The following BRD2 variants were observed in gnomAD, a reference collection of about 807,000 sequenced individuals.
BRD2 encodes bromodomain containing 2, also known as bromodomain-containing protein 2.
In BRD2, 15 loss-of-function variants were observed where a neutral mutation model predicts 79.1. That is an observed-to-expected ratio of 0.19 (90% CI 0.13 to 0.29). The LOEUF is 0.29. BRD2 is among the 10% of genes least tolerant of loss of function. The pLI, the probability that BRD2 is intolerant of heterozygous loss-of-function variation, is 1.00. For missense variants in BRD2, 1,053 were observed against 991.3 expected (o/e 1.06, Z -0.84); for synonymous variants, 488 against 358.6 (o/e 1.36, Z -4.08).
Position 32,981,039 on chromosome 6 carries a change from T to A in BRD2, c.*321T>A. 1 of 325,506 alleles carries A rather than the reference T, an allele frequency of 3.1e-6. No individual in the cohort carries two copies. Among genetic ancestry groups the A allele is most frequent in the African/African-American group, 2.1e-5 (1 of 48,546 alleles). The allele number at this position is 325,506 out of a possible 1,614,324, so 20.2% of individuals were successfully genotyped here. A position where few individuals can be genotyped will look rare whatever the true frequency, so the allele number is the denominator to read the frequency against. On this transcript the variant is annotated 3_prime_UTR_variant, in exon 13 of 13. Transcript: ENST00000374825. ...TTACCTGAGGCCACAGCTGCCCTAT[T>A]CACTTCTAAGGGCCCTGTTTTGAGA... is the stretch of plus-strand genomic sequence containing the variant.
intron 10 of BRD2, chr6:32,978,601 C>T: frequency 1.4e-6 from 1 of 725,970 alleles, no homozygotes; most frequent in South Asian, 1.9e-5. Context: ...TGGGATGAAA[C>T]TGTTCCACCT....
Position 32,972,798 on chromosome 6 carries a change from T to G in BRD2, c.-101T>G. ...GCCTGGAGGCCCAAGAGGAACGGCCTCCCCCCAACTTAGCGGGTTATGCTG... is the reference window on the plus strand; with the variant it reads ...GCCTGGAGGCCCAAGAGGAACGGCCGCCCCCCAACTTAGCGGGTTATGCTG... On this transcript the variant is annotated 5_prime_UTR_variant, in exon 2 of 13. Transcript: ENST00000374825. 1 of 1,573,284 alleles carries G rather than the reference T, an allele frequency of 6.4e-7. No homozygotes were observed. Among genetic ancestry groups the G allele is most frequent in the Non-Finnish European group, 8.7e-7 (1 of 1,149,754 alleles).
chr6:32,977,177 C>T (rs1035036514), intron 7 of BRD2: 1 of 1,383,894 alleles, frequency 7.2e-7, no homozygotes, highest in African/African-American at 1.4e-5. Context: ...ACTAATGTGG[C>T]AGTGTTGGGT....
chr6:32,976,112 C>A lies in BRD2; in HGVS notation c.553C>A (p.Gln185Lys), dbSNP rs1420233511. ...QKVASMPQEE[Q>K]ELVVTIPKNS... Reference sequence around the variant, plus strand: ...GGTTGCATCAATGCCACAAGAAGAACAAGAGCTGGTAGTGACCATCCCTAA... The same window carrying A: ...GGTTGCATCAATGCCACAAGAAGAAAAAGAGCTGGTAGTGACCATCCCTAA... The change falls in exon 5 of 13, where the codon CAA becomes AAA. Residue 185 changes from glutamine (Q) to lysine (K), a missense_variant. Transcript: ENST00000374825. The A allele has an allele frequency of 6.2e-7, 1 of 1,612,878 alleles. No individual in the cohort carries two copies. The highest frequency in any genetic ancestry group is 8.5e-7 in the Non-Finnish European group (1 of 1,180,016).
At chr6:32,977,053 A>T in intron 7 of BRD2, 117 bp downstream of exon 7, 1 of 1,359,942 alleles carries the variant, frequency 7.4e-7, no homozygotes, top group Non-Finnish European at 9.8e-7. Context: ...TTTTACTTTT[A>T]TAAAATAATA....
At chr6:32,974,205 AT>A (rs1778410914) in intron 2 of BRD2, among the ~76,000 whole-genome samples, 1 of 152,172 alleles carries the variant, frequency 6.6e-6, no homozygotes, top group African/African-American at 2.4e-5. Flanking sequence ...TTTTTAAAAT[AT>A]GAAAAAGAAC....
At chr6:32,969,493 C>T (rs1777757250) in intron 1 of BRD2, 1 of 598,300 alleles carries the variant, frequency 1.7e-6, no homozygotes. Flanking sequence ...TCCCAGGCGC[C>T]AACTTCCTTT....
In BRD2 at chr6:32,973,047, C is replaced by T. The variant is rs768013841; in HGVS notation, c.29+120C>T. 11 of 1,606,372 alleles carry T rather than the reference C, an allele frequency of 6.8e-6. No homozygotes were observed. The East Asian group carries it at 2.0e-4, about 30-fold the overall frequency. The stretch of plus-strand genomic sequence containing the variant: ...CGCGCTGCTGTTGCGGCGCAGCTGT[C>T]GACTCGGTCGCGCGGAGGGAATTGA... On this transcript the variant is annotated intron_variant, in intron 2 of 12. Transcript: ENST00000374825.
chr6:32,977,672 T>C, intron 8 of BRD2, 85 bp from the exon 9 acceptor site: 2 of 1,603,004 alleles, frequency 1.2e-6, no homozygotes, highest in Non-Finnish European at 1.7e-6. Context: ...TTCTGTACAG[T>C]TGTAAATTGG....
At chr6:32,975,276 C>T in intron 3 of BRD2, 108 bp from the exon 4 acceptor site, 1 of 1,059,728 alleles carries the variant, frequency 9.4e-7, no homozygotes, top group Non-Finnish European at 1.3e-6. Context: ...TCCTTTGATG[C>T]ATAGGGGGGG....
At chr6:32,974,965 C>T (rs976285671) in intron 3 of BRD2, 200 bp downstream of exon 3, 17 of 1,457,626 alleles carry the variant, frequency 1.2e-5, no homozygotes, top group East Asian at 4.9e-5. Context: ...TGGCATCTTT[C>T]CTTGTGCCCT....
rs1778809997 is a variant in BRD2 at position 32,976,682 on chromosome 6, A to G, written c.946A>G (p.Met316Val). The part of the protein sequence containing the change: ...LEPKAARLPP[M>V]RRESGRPIKP... Reference sequence around the variant, plus strand: ...GCCTAAGGCAGCACGGCTTCCCCCTATGCGTAGAGAGAGTGGTCGCCCCAT... The same window carrying G: ...GCCTAAGGCAGCACGGCTTCCCCCTGTGCGTAGAGAGAGTGGTCGCCCCAT... The change falls in exon 7 of 13, where the codon ATG becomes GTG. Residue 316 changes from methionine (M) to valine (V), a missense_variant. Physicochemically the swap from Met to Val is conservative, Grantham distance 21. Around this residue, in one of 5 missense-constraint regions of BRD2, gnomAD observed 454 missense variants for 430.5 expected, o/e 1.05. Coordinates refer to ENST00000374825, the MANE Select transcript of BRD2 (RefSeq NM_005104.4). 2 of 1,613,118 alleles carry G rather than the reference A, an allele frequency of 1.2e-6. No individual in the cohort carries two copies. Among genetic ancestry groups the G allele is most frequent in the Non-Finnish European group, 8.5e-7 (1 of 1,180,022 alleles).
At chr6:32,969,430 C>T (rs1401735083) in intron 1 of BRD2, 19 of 705,906 alleles carry the variant, frequency 2.7e-5, no homozygotes, top group Non-Finnish European at 4.0e-5. Context: ...GGCCCCTACC[C>T]GTGGATGTGA....
intron 3 of BRD2, 148 bp downstream of exon 3, chr6:32,974,913 T>G: frequency 7.2e-7 from 1 of 1,389,482 alleles, no homozygotes; most frequent in Non-Finnish European, 9.8e-7. Context: ...TCTGGGTATC[T>G]TGGTCCTTTG....
At position 32,978,326 on chromosome 6, in the gene BRD2, TG is replaced by T. The variant is rs1384569924; in HGVS notation, c.1784del (p.Gly595ValfsTer6). 6.2e-7 allele frequency: 1 copy of T among 1,612,818 alleles called. No homozygotes were observed. Among genetic ancestry groups the T allele is most frequent in the Non-Finnish European group, 8.5e-7 (1 of 1,179,938 alleles). On this transcript the variant is annotated frameshift_variant, in exon 10 of 13. Transcript: ENST00000374825. LOFTEE classifies it high-confidence loss of function. ...PKKSKKASGS[G>X]GGSAALGPSG... ...AGAAGTCCAAGAAAGCAAGTGGCAG[TG>T]GGGGTGGCAGTGCTGCTTTAGGCCC...
At position 32,978,187 on chromosome 6, in the gene BRD2, GGAAAAGAGA is replaced by G. The variant is rs773237638; in HGVS notation, c.1646_1654del (p.Arg549_Lys551del). 24 of 1,612,848 alleles carry G rather than the reference GGAAAAGAGA, an allele frequency of 1.5e-5. No individual in the cohort carries two copies. The highest frequency in any genetic ancestry group is 3.3e-5 in the Admixed American group (2 of 59,994). ...CAGGGTCCAATATCCAAGCCCAAGA[GGAAAAGAGA>G]GAAAAAAGAGAAAAAGAAGAAACGG... On this transcript the variant is annotated inframe_deletion, in exon 10 of 13. Transcript: ENST00000374825.
At chr6:32,970,751 A>G (rs958740860) in intron 1 of BRD2, 1 of 151,950 alleles carries the variant, frequency 6.6e-6, no homozygotes, top group Non-Finnish European at 1.5e-5. Flanking sequence ...TGATTCACAG[A>G]GTCTGCACCC....
chr6:32,974,589 G>C lies in BRD2; in HGVS notation c.157G>C (p.Ala53Pro). The change falls in exon 3 of 13, where the codon GCT (alanine) becomes CCT (proline). Residue 53 changes from alanine to proline, a missense_variant. Around this residue, in one of 5 missense-constraint regions of BRD2, gnomAD observed 413 missense variants for 335.1 expected, o/e 1.23. Coordinates refer to ENST00000374825, the MANE Select transcript of BRD2 (RefSeq NM_005104.4). ...FESPTMASVP[A>P]LQLTPANPPP... ...GAGCCCCACAATGGCTTCGGTGCCT[G>C]CTTTGCAACTTACCCCTGCCAACCC... The C allele has an allele frequency of 6.2e-7, 1 of 1,614,228 alleles. No individual in the cohort carries two copies.
In BRD2 at chr6:32,968,882, C is replaced by T. The variant is rs529383010; in HGVS notation, c.-1479C>T. On this transcript the variant is annotated 5_prime_UTR_variant, in exon 1 of 13. Coordinates refer to ENST00000374825, the MANE Select transcript of BRD2 (RefSeq NM_005104.4). Reference sequence around the variant, plus strand: ...TCTGGGTGCTGCTGACGTGGCCGCGCGGCCCCGATGCTCTCCCCACCCCCC... The same window carrying T: ...TCTGGGTGCTGCTGACGTGGCCGCGTGGCCCCGATGCTCTCCCCACCCCCC... 506 of 156,216 alleles carry T rather than the reference C, an allele frequency of 3.2e-3. 4 individuals carry two copies. The highest frequency in any genetic ancestry group is 0.012 in the African/African-American group (500 of 41,494). The allele number at this position is 156,216 out of a possible 1,614,324, so 9.7% of individuals were successfully genotyped here.
Sources: allele counts gnomAD v4.1 joint callset (sites outside exome capture counted in the v4.1 genomes callset), GRCh38; gene constraint gnomAD v4.1.1; regional missense constraint gnomAD v4.1.1; transcripts MANE v1.5; gene names NCBI Gene and HGNC (gene_info 2026-07-23, HGNC 2026-07-21).